GATB: variants seen among roughly 807,000 people sequenced by gnomAD.
GATB encodes glutamyl-tRNA(Gln) amidotransferase subunit B, mitochondrial.
GATB carries 39 observed loss-of-function variants against 62.3 expected under a neutral mutation model. That is an observed-to-expected ratio of 0.63 (90% CI 0.48 to 0.82). The LOEUF is 0.82. Among genes scored for constraint, GATB ranks in the 40% least tolerant of loss-of-function variants. GATB has a pLI of 0.00. For synonymous variants in GATB, 276 were observed against 258.9 expected (o/e 1.07, Z -0.63); for missense variants, 670 against 684.0 (o/e 0.98, Z 0.23).
intron 2 of GATB, among the ~76,000 whole-genome samples, chr4:151,747,829 T>C (rs1163533370): frequency 2.0e-5 from 3 of 152,000 alleles, no homozygotes; most frequent in Non-Finnish European, 2.9e-5. Flanking sequence ...TGGAGGCACA[T>C]ACAGACTAAG....
At chr4:151,741,121 T>C (rs889635769) in intron 2 of GATB, among the ~76,000 whole-genome samples, 2 of 152,182 alleles carry the variant, frequency 1.3e-5, no homozygotes, top group Admixed American at 6.5e-5. Context: ...AAGTCCGATA[T>C]AGACTATTTT....
At chr4:151,731,749 C>T (rs1270439177) in intron 2 of GATB, among the ~76,000 whole-genome samples, 4 of 149,938 alleles carry the variant, frequency 2.7e-5, no homozygotes, top group East Asian at 2.0e-4. Context: ...ATGTGAGGAG[C>T]GTCTCTGCCC....
In GATB at chr4:151,758,860, T is replaced by C. The variant is rs1236112276; in HGVS notation, c.239A>G (p.Lys80Arg). The C allele has an allele frequency of 6.2e-7, 1 of 1,611,530 alleles. No individual in the cohort carries two copies. The highest frequency in any genetic ancestry group is 1.7e-5 in the Admixed American group (1 of 59,790). ...EIHAQISSNS[K>R]LFSGSQVRFS... Reference sequence around the variant, plus strand: ...GCGAACTTGAGATCCAGAGAAGAGTTTAGAGTTGGAGGAAATCTGGGCATG... The same window carrying C: ...GCGAACTTGAGATCCAGAGAAGAGTCTAGAGTTGGAGGAAATCTGGGCATG... The change falls in exon 2 of 13, where the codon AAA (lysine) becomes AGA (arginine). Residue 80 changes from lysine (K) to arginine (R), a missense_variant. By Grantham distance (26) the Lys-to-Arg change is conservative. Coordinates refer to ENST00000263985, the MANE Select transcript of GATB (RefSeq NM_004564.3).
At chr4:151,680,841 C>T (rs1254885626) in intron 10 of GATB, among the ~76,000 whole-genome samples, 1 of 152,156 alleles carries the variant, frequency 6.6e-6, no homozygotes, top group Non-Finnish European at 1.5e-5. Flanking sequence ...ATTTCCTTTG[C>T]ACATCATCGT....
Position 151,671,312 on chromosome 4 carries a change from C to T in GATB, c.1546-10G>A. ...TCTTCACATCCATTACCTAGAAGGA[C>T]AGAAATTACTTACTTAAGAGGAGAA... On this transcript the variant is annotated splice_polypyrimidine_tract_variant and intron_variant, in intron 12 of 12. Transcript: ENST00000263985. The T allele has an allele frequency of 6.6e-7, 1 of 1,517,668 alleles. No homozygotes were observed. The highest frequency in any genetic ancestry group is 8.8e-7 in the Non-Finnish European group (1 of 1,131,268). 94.0% of individuals were successfully genotyped at this position (1,517,668 alleles called of 1,614,324 possible).
At chr4:151,716,625 C>G (rs1317351233) in intron 4 of GATB, among the ~76,000 whole-genome samples, 1 of 152,126 alleles carries the variant, frequency 6.6e-6, no homozygotes, top group East Asian at 1.9e-4. Flanking sequence ...TATCCAGCTG[C>G]TGGGTCTGTG....
intron 2 of GATB, chr4:151,723,048 T>C (rs1412567517): frequency 6.6e-6 from 1 of 152,216 alleles, no homozygotes; most frequent in Non-Finnish European, 1.5e-5. Context: ...TCTCTGTAAT[T>C]AAATGACTAC....
chr4:151,723,189 G>C (rs1414505775), intron 2 of GATB: 3 of 152,154 alleles, frequency 2.0e-5, no homozygotes, highest in African/African-American at 7.2e-5. Context: ...GGTCAGCAGC[G>C]AGTATTTATT....
At chr4:151,708,995 G>A (rs1324244915) in intron 5 of GATB, among the ~76,000 whole-genome samples, 8 of 152,124 alleles carry the variant, frequency 5.3e-5, no homozygotes, top group Non-Finnish European at 1.0e-4. Context: ...TCTGTTCCTC[G>A]TTTCATTTAC....
intron 2 of GATB, among the ~76,000 whole-genome samples, chr4:151,753,208 A>T (rs942572033): frequency 6.6e-6 from 1 of 152,098 alleles, no homozygotes; most frequent in African/African-American, 2.4e-5. Context: ...TTCTCCAAAG[A>T]CTATACATTC....
rs564327972 is a variant in GATB at position 151,698,157 on chromosome 4, C to T, written c.1197+3172G>A. 7.9e-5 allele frequency among the ~76,000 whole-genome samples: 12 copies of T among 151,562 alleles called. 1 individual carries two copies. In the East Asian group the frequency reaches 2.3e-3, roughly 29 times the overall value. Reference sequence around the variant, plus strand: ...GCTTTTATCAGGAACACTGCTTCTCCCAGGATCTTCCTGTGTGCTGTGATA... The same window carrying T: ...GCTTTTATCAGGAACACTGCTTCTCTCAGGATCTTCCTGTGTGCTGTGATA... On this transcript the variant is annotated intron_variant, in intron 9 of 12. Transcript: ENST00000263985.
intron 2 of GATB, among the ~76,000 whole-genome samples, chr4:151,733,365 C>A (rs2126987976): frequency 6.6e-6 from 1 of 152,254 alleles, no homozygotes; most frequent in East Asian, 1.9e-4. Context: ...ACTAGAAAAC[C>A]TAGAAGAGAT....
chr4:151,723,563 C>T (rs1739072155), intron 2 of GATB: 1 of 152,246 alleles, frequency 6.6e-6, no homozygotes, highest in African/African-American at 2.4e-5. Flanking sequence ...GTTTCTCCCT[C>T]TTTAGATTTG....
chr4:151,748,027 T>C (rs1282791255), intron 2 of GATB, among the ~76,000 whole-genome samples: 1 of 152,174 alleles, frequency 6.6e-6, no homozygotes, highest in Non-Finnish European at 1.5e-5. Context: ...CATAAACAAA[T>C]GGAAGAACAT....
intron 9 of GATB, among the ~76,000 whole-genome samples, chr4:151,698,471 C>G (rs77758070): frequency 6.6e-6 from 1 of 152,110 alleles, no homozygotes; most frequent in Non-Finnish European, 1.5e-5. Context: ...GCAAAGCACA[C>G]CTCCACCACT....
chr4:151,683,872 C>T (rs1738194539), intron 10 of GATB, among the ~76,000 whole-genome samples: 1 of 152,340 alleles, frequency 6.6e-6, no homozygotes, highest in South Asian at 2.1e-4. Context: ...GATGACAACA[C>T]CACGCTTCTA....
chr4:151,707,130 G>A (rs1738730022), intron 6 of GATB, among the ~76,000 whole-genome samples: 1 of 152,158 alleles, frequency 6.6e-6, no homozygotes, highest in African/African-American at 2.4e-5. Flanking sequence ...GACCATTTAG[G>A]TCAAGCCATG....
At chr4:151,739,154 A>G (rs1312512080) in intron 2 of GATB, among the ~76,000 whole-genome samples, 5 of 152,270 alleles carry the variant, frequency 3.3e-5, no homozygotes, top group African/African-American at 1.2e-4. Flanking sequence ...AGATACGTGC[A>G]TAAAAATTTA....
chr4:151,746,165 G>C (rs543664974), intron 2 of GATB, among the ~76,000 whole-genome samples: 4 of 152,230 alleles, frequency 2.6e-5, no homozygotes, highest in Non-Finnish European at 5.9e-5. Context: ...CACCAGGAGA[G>C]GGCAAGCATT....
Sources: allele counts gnomAD v4.1 joint callset (sites outside exome capture counted in the v4.1 genomes callset), GRCh38; gene constraint gnomAD v4.1.1; transcripts MANE v1.5; gene names NCBI Gene and HGNC (gene_info 2026-07-23, HGNC 2026-07-21).